The following NRK variants were observed in gnomAD, a reference collection of about 807,000 sequenced individuals.
NRK encodes the protein nik-related protein kinase.
A neutral mutation model predicts 125.2 loss-of-function variants in NRK; 67 were observed. That is an observed-to-expected ratio of 0.54 (90% CI 0.44 to 0.66). NRK has a LOEUF of 0.66. Ranked by LOEUF, NRK falls within the 30% of genes least tolerant of loss-of-function variation. The probability of loss-of-function intolerance (pLI) is 0.00; values close to 1 mark genes in which losing one functional copy is unlikely to be tolerated. For missense variants in NRK, 1,224 were observed against 1,192.9 expected (o/e 1.03, Z -0.38); for synonymous variants, 458 against 429.0 (o/e 1.07, Z -0.84).
intron 2 of NRK, among the ~76,000 whole-genome samples, chrX:105,846,125 T>C (rs2039398202): frequency 9.0e-6 from 1 of 111,490 alleles, no homozygotes; most frequent in South Asian, 3.8e-4. Flanking sequence ...CCTAGTGTGA[T>C]TGCAATCAAT....
chrX:105,856,547 A>G (rs962107656), intron 2 of NRK, among the ~76,000 whole-genome samples: 6 of 111,250 alleles, frequency 5.4e-5, no homozygotes, highest in African/African-American at 1.3e-4. Context: ...CAATTTCAGT[A>G]AAGGAGAAGA....
intron 8 of NRK, among the ~76,000 whole-genome samples, chrX:105,899,939 G>C (rs893428285): frequency 3.4e-4 from 37 of 110,085 alleles, no homozygotes; most frequent in African/African-American, 1.2e-3. Context: ...TCGCACTCCA[G>C]CCTGGGCGAC....
rs1242222272 is a variant in NRK at position 105,893,894 on chromosome X, G to C, written c.441G>C (p.Gln147His). The C allele has an allele frequency of 8.4e-7, 1 of 1,193,596 alleles. No individual in the cohort carries two copies. The highest frequency in any genetic ancestry group is 1.8e-5 in the South Asian group (1 of 56,215). ...VTDVVRMTSN[Q>H]SLKEDWIAYI... ...ATGTAGTGAGAATGACCAGTAATCAGAGTTTAAAAGAAGATTGGATTGCTT... is the reference window on the plus strand; with the variant it reads ...ATGTAGTGAGAATGACCAGTAATCACAGTTTAAAAGAAGATTGGATTGCTT... The change falls in exon 6 of 29, where the codon CAG becomes CAC. Residue 147 changes from glutamine (Q) to histidine (H), a missense_variant. Physicochemically the swap from Gln to His is conservative, Grantham distance 24. Transcript: ENST00000243300.
chrX:105,937,952 G>C (rs1342289421), intron 22 of NRK, among the ~76,000 whole-genome samples: 1 of 111,468 alleles, frequency 9.0e-6, no homozygotes, highest in Non-Finnish European at 1.9e-5. Context: ...AGAACAAAGT[G>C]AACAATAATC....
intron 19 of NRK, among the ~76,000 whole-genome samples, chrX:105,928,608 T>A (rs1009164950): frequency 9.0e-6 from 1 of 111,317 alleles, no homozygotes; most frequent in Middle Eastern, 4.2e-3. Context: ...TCTACTTTTT[T>A]AATGTAGTCA....
At chrX:105,870,781 A>C (rs1471437771) in intron 2 of NRK, among the ~76,000 whole-genome samples, 2 of 111,885 alleles carry the variant, frequency 1.8e-5, no homozygotes, top group East Asian at 5.7e-4. Context: ...CTACAAAGCC[A>C]CTGAAACTAC....
intron 16 of NRK, among the ~76,000 whole-genome samples, chrX:105,919,009 A>G (rs1191050599): frequency 3.8e-5 from 4 of 106,606 alleles, no homozygotes; most frequent in African/African-American, 1.4e-4. Context: ...CCTGAAAAAA[A>G]AAAAAAAAAA....
chrX:105,846,377 G>A (rs893958377), intron 2 of NRK, among the ~76,000 whole-genome samples: 1 of 111,731 alleles, frequency 9.0e-6, no homozygotes, highest in Admixed American at 9.5e-5. Flanking sequence ...GTGTGGAGTG[G>A]AATTGAGGCA....
chrX:105,886,740 A>C (rs1315411776), intron 4 of NRK, among the ~76,000 whole-genome samples: 1 of 108,215 alleles, frequency 9.2e-6, no homozygotes, highest in Non-Finnish European at 1.9e-5. Context: ...TGTTGTGATT[A>C]ATAAAAATAA....
chrX:105,852,226 A>G (rs753525893), intron 2 of NRK, among the ~76,000 whole-genome samples: 12 of 111,575 alleles, frequency 1.1e-4, no homozygotes, highest in African/African-American at 3.6e-4. Flanking sequence ...AGAATGTTGA[A>G]GTGGTAGCAA....
chrX:105,951,391 T>A (rs916003539), intron 27 of NRK, among the ~76,000 whole-genome samples: 14 of 111,266 alleles, frequency 1.3e-4, no homozygotes, highest in Non-Finnish European at 2.5e-4. Flanking sequence ...AAAAAGCTAC[T>A]TTAAGTTGCT....
At chrX:105,857,613 T>G (rs901626509) in intron 2 of NRK, among the ~76,000 whole-genome samples, 1 of 111,539 alleles carries the variant, frequency 9.0e-6, no homozygotes, top group African/African-American at 3.3e-5. Context: ...CCCTTTTTTT[T>G]TGCAGTCAGA....
intron 21 of NRK, 118 bp from the exon 22 acceptor site, chrX:105,937,321 G>A: frequency 5.0e-6 from 2 of 404,031 alleles, no homozygotes; most frequent in Middle Eastern, 4.2e-4. Context: ...GGTGAATATA[G>A]CCTAAACTGA....
intron 9 of NRK, among the ~76,000 whole-genome samples, chrX:105,904,490 C>T (rs1181575346): frequency 1.8e-5 from 2 of 111,881 alleles, no homozygotes; most frequent in Non-Finnish European, 3.8e-5. Context: ...GCATCTACTA[C>T]ATGTCAGATA....
In NRK at chrX:105,840,982, A is replaced by G. The variant is rs752136790; in HGVS notation, c.123+9863A>G. 1.9e-4 allele frequency among the ~76,000 whole-genome samples: 21 copies of G among 110,831 alleles called. 1 individual carries two copies. Among genetic ancestry groups the G allele is most frequent in the Non-Finnish European group, 1.1e-4 (6 of 52,845 alleles). On this transcript the variant is annotated intron_variant, in intron 2 of 28. Coordinates refer to ENST00000243300, the MANE Select transcript of NRK (RefSeq NM_198465.4). ...GTTTATCGTCTAGTAGTTGACCACTAAAAACTAGTTAACTAGGTCCTCATC... is the reference window on the plus strand; with the variant it reads ...GTTTATCGTCTAGTAGTTGACCACTGAAAACTAGTTAACTAGGTCCTCATC...
chrX:105,865,652 C>T (rs771438691), intron 2 of NRK, among the ~76,000 whole-genome samples: 1 of 110,812 alleles, frequency 9.0e-6, no homozygotes, highest in African/African-American at 3.3e-5. Flanking sequence ...TAATTTGGGC[C>T]TGAAAGGAAT....
At chrX:105,936,984 A>G (rs1011462780) in intron 21 of NRK, among the ~76,000 whole-genome samples, 1 of 111,044 alleles carries the variant, frequency 9.0e-6, no homozygotes, top group African/African-American at 3.3e-5. Flanking sequence ...AACTCTTTGT[A>G]TGTGCTAGAC....
chrX:105,946,282 G>C, intron 25 of NRK, 33 bp from the exon 26 acceptor site: 1 of 1,147,095 alleles, frequency 8.7e-7, no homozygotes, highest in Non-Finnish European at 1.2e-6. Context: ...GTCATTTTTG[G>C]CCTTTTGGCC....
intron 1 of NRK, among the ~76,000 whole-genome samples, chrX:105,823,324 C>T: frequency 8.9e-6 from 1 of 112,247 alleles, no homozygotes; most frequent in South Asian, 3.7e-4. Context: ...CCATCGTTTG[C>T]TGCTTCTTTT....
Sources: gnomAD v4.1 joint callset for allele counts (sites outside exome capture counted in the v4.1 genomes callset) on GRCh38, gnomAD v4.1.1 for gene constraint, MANE v1.5 for transcripts, NCBI Gene and HGNC (gene_info 2026-07-23, HGNC 2026-07-21) for gene names.